CCDC178: variants seen among roughly 807,000 people sequenced by gnomAD.
The protein encoded by CCDC178 is coiled-coil domain-containing protein 178.
A neutral mutation model predicts 117.4 loss-of-function variants in CCDC178; 126 were observed. The ratio of observed to expected loss-of-function variants is 1.07; its 90% CI spans 0.93 to 1.24. CCDC178 has a LOEUF of 1.24. Ranked by LOEUF, CCDC178 falls within the 50% of genes most tolerant of loss-of-function variation. CCDC178 has a pLI of 0.00. For synonymous variants in CCDC178, 283 were observed against 313.4 expected (o/e 0.90, Z 1.02); for missense variants, 1,030 against 986.9 (o/e 1.04, Z -0.59).
At chr18:33,367,285 G>A (rs1047793554) in intron 6 of CCDC178, among the ~76,000 whole-genome samples, 16 of 152,018 alleles carry the variant, frequency 1.1e-4, no homozygotes, top group African/African-American at 3.9e-4. Flanking sequence ...AGAATAGATG[G>A]AGGATTGCCA....
chr18:33,021,466 G>A (rs1202035709), intron 21 of CCDC178, among the ~76,000 whole-genome samples: 1 of 152,182 alleles, frequency 6.6e-6, no homozygotes, highest in African/African-American at 2.4e-5. Context: ...GGGAGGCCGA[G>A]GCGGTTGGAT....
Position 33,420,618 on chromosome 18 carries a change from G to A in CCDC178, c.-22-8508C>T, listed in dbSNP as rs188701102. On this transcript the variant is annotated intron_variant, in intron 2 of 22. Coordinates refer to ENST00000383096, the MANE Select transcript of CCDC178 (RefSeq NM_001105528.4). ...GATCCATCTGCCTTGGCCTCCCAAGGTGCTGGGATTACAGGCATGAGCCAC... is the reference window on the plus strand; with the variant it reads ...GATCCATCTGCCTTGGCCTCCCAAGATGCTGGGATTACAGGCATGAGCCAC... 3.8e-3 allele frequency among the ~76,000 whole-genome samples: 585 copies of A among 152,192 alleles called. 2 individuals carry two copies. Among genetic ancestry groups the A allele is most frequent in the African/African-American group, 0.013 (558 of 41,532 alleles).
intron 6 of CCDC178, among the ~76,000 whole-genome samples, chr18:33,357,454 G>A (rs2063072193): frequency 6.6e-6 from 1 of 151,806 alleles, no homozygotes; most frequent in African/African-American, 2.4e-5. Context: ...ATTCATCAAG[G>A]GACAGTTCAA....
At chr18:32,973,865 C>A (rs1470586035) in intron 22 of CCDC178, among the ~76,000 whole-genome samples, 2 of 151,928 alleles carry the variant, frequency 1.3e-5, no homozygotes, top group Non-Finnish European at 2.9e-5. Context: ...TTTGGGAGGT[C>A]ATGTTTTATG....
At chr18:33,121,959 G>T (rs576429156) in intron 20 of CCDC178, among the ~76,000 whole-genome samples, 1 of 152,070 alleles carries the variant, frequency 6.6e-6, no homozygotes, top group African/African-American at 2.4e-5. Context: ...ACAGTAACAT[G>T]CTGTACAGGT....
At chr18:33,221,077 T>A (rs2059227807) in intron 18 of CCDC178, among the ~76,000 whole-genome samples, 1 of 152,030 alleles carries the variant, frequency 6.6e-6, no homozygotes, top group African/African-American at 2.4e-5. Context: ...ACTCACTTCA[T>A]TTTTTCTCAC....
At chr18:33,186,338 T>C (rs2058794583) in intron 20 of CCDC178, among the ~76,000 whole-genome samples, 1 of 152,046 alleles carries the variant, frequency 6.6e-6, no homozygotes, top group South Asian at 2.1e-4. Context: ...AATAGCAACT[T>C]AGCACTCTTA....
In CCDC178 at chr18:33,306,619, G is replaced by GTT. The variant is rs1033972598; in HGVS notation, c.1023-13309_1023-13308dup. ...ATATATGGTTTTTTATATATATATG[G>GTT]TTATATATATATATAAGGTTATATG... On this transcript the variant is annotated intron_variant, in intron 11 of 22. Coordinates refer to ENST00000383096, the MANE Select transcript of CCDC178 (RefSeq NM_001105528.4). 1.0e-3 allele frequency among the ~76,000 whole-genome samples: 130 copies of GTT among 129,716 alleles called. 1 individual carries two copies. The highest frequency in any genetic ancestry group is 5.7e-3 in the Admixed American group (72 of 12,604). 85.1% of individuals were successfully genotyped at this position (129,716 alleles called of 152,430 possible). A position where few individuals can be genotyped will look rare whatever the true frequency, so the allele number is the denominator to read the frequency against.
At chr18:33,259,852 G>T (rs568466957) in intron 14 of CCDC178, among the ~76,000 whole-genome samples, 3 of 152,224 alleles carry the variant, frequency 2.0e-5, no homozygotes, top group African/African-American at 7.2e-5. Flanking sequence ...CATACAATAT[G>T]AATTCAATAA....
intron 21 of CCDC178, among the ~76,000 whole-genome samples, chr18:33,082,421 G>A (rs1327809080): frequency 6.6e-6 from 1 of 152,152 alleles, no homozygotes; most frequent in Non-Finnish European, 1.5e-5. Flanking sequence ...GCAGTGAGCC[G>A]AGATCACGTC....
chr18:33,412,635 A>C (rs999793939), intron 2 of CCDC178, among the ~76,000 whole-genome samples: 1 of 152,124 alleles, frequency 6.6e-6, no homozygotes, highest in Non-Finnish European at 1.5e-5. Context: ...TGTCTCACCT[A>C]CTTCTGATAA....
chr18:32,969,073 T>C (rs1239504576), intron 22 of CCDC178, among the ~76,000 whole-genome samples: 2 of 152,020 alleles, frequency 1.3e-5, no homozygotes, highest in Non-Finnish European at 2.9e-5. Context: ...GAAAGAACTT[T>C]TGGAGTTATC....
intron 3 of CCDC178, among the ~76,000 whole-genome samples, chr18:33,397,684 C>T (rs912490436): frequency 6.6e-6 from 1 of 152,054 alleles, no homozygotes; most frequent in Non-Finnish European, 1.5e-5. Flanking sequence ...GTCATAACTG[C>T]ATCTCTAGAA....
chr18:33,013,842 T>C (rs1168562826), intron 21 of CCDC178, among the ~76,000 whole-genome samples: 1 of 152,214 alleles, frequency 6.6e-6, no homozygotes, highest in Non-Finnish European at 1.5e-5. Flanking sequence ...CTTGTTCACA[T>C]CAAGGTACAC....
intron 10 of CCDC178, among the ~76,000 whole-genome samples, chr18:33,328,624 T>C (rs971989215): frequency 2.0e-5 from 3 of 152,196 alleles, no homozygotes; most frequent in African/African-American, 7.2e-5. Context: ...GCCGTAGATG[T>C]ATATGTTTAT....
chr18:33,053,924 T>A (rs2056786052), intron 21 of CCDC178, among the ~76,000 whole-genome samples: 1 of 152,164 alleles, frequency 6.6e-6, no homozygotes, highest in African/African-American at 2.4e-5. Context: ...GTACATAAAA[T>A]CCTTATAATG....
intron 21 of CCDC178, among the ~76,000 whole-genome samples, chr18:32,999,989 C>T (rs1445481561): frequency 1.3e-5 from 2 of 151,792 alleles, no homozygotes; most frequent in Non-Finnish European, 2.9e-5. Context: ...GAAAATAAGA[C>T]CTCACCAAAT....
At position 33,237,913 on chromosome 18, in the gene CCDC178, T is replaced by C. The variant is rs183439769; in HGVS notation, c.1593+7332A>G. On this transcript the variant is annotated intron_variant, in intron 15 of 22. Transcript: ENST00000383096. ...AACCCCAGTGAGCCAGACCCTAAGTTAGCTGACCCATCATGTGTACACATG... is the reference window on the plus strand; with the variant it reads ...AACCCCAGTGAGCCAGACCCTAAGTCAGCTGACCCATCATGTGTACACATG... Among the ~76,000 whole-genome samples, 5 of 152,318 alleles carry C rather than the reference T, an allele frequency of 3.3e-5. No individual in the cohort carries two copies. The East Asian group carries it at 9.7e-4, about 29-fold the overall frequency.
intron 11 of CCDC178, among the ~76,000 whole-genome samples, chr18:33,302,635 A>T (rs960220393): frequency 6.6e-6 from 1 of 152,244 alleles, no homozygotes; most frequent in African/African-American, 2.4e-5. Flanking sequence ...GTGAATGAAC[A>T]AAGAAAATGT....
Sources: allele counts gnomAD v4.1 joint callset (sites outside exome capture counted in the v4.1 genomes callset), GRCh38; gene constraint gnomAD v4.1.1; transcripts MANE v1.5; gene names NCBI Gene and HGNC (gene_info 2026-07-23, HGNC 2026-07-21).